Variants in LIG3 observed in about 807,000 individuals in gnomAD.
LIG3 encodes ligase II, DNA, ATP-dependent.
LIG3 carries 58 observed loss-of-function variants against 110.9 expected under a neutral mutation model. The ratio of observed to expected loss-of-function variants is 0.52; its 90% CI spans 0.42 to 0.65. The LOEUF (loss-of-function observed/expected upper bound fraction) is 0.65. LIG3 is among the 30% of genes least tolerant of loss of function. LIG3 has a pLI of 0.00. For synonymous variants in LIG3, 422 were observed against 472.8 expected, an observed-to-expected ratio of 0.89 and a Z score of 1.39; for missense variants, 1,094 against 1,273.8, an observed-to-expected ratio of 0.86 and a Z score of 2.15.
intron 3 of LIG3, among the ~76,000 whole-genome samples, chr17:34,987,266 C>T (rs527582503): frequency 6.6e-6 from 1 of 152,320 alleles, no homozygotes; most frequent in South Asian, 2.1e-4. Context: ...AAACAGACAG[C>T]ATTGGACTAG....
At chr17:35,002,165 G>A (rs2090850488) in intron 18 of LIG3, 61 bp downstream of exon 18, 2 of 1,401,844 alleles carry the variant, frequency 1.4e-6, no homozygotes, top group Non-Finnish European at 9.6e-7. Flanking sequence ...GAGATCCAAG[G>A]GCAGGGACCC....
At chr17:34,998,186 C>T (rs1293893574) in intron 12 of LIG3, 33 bp from the exon 13 acceptor site, 1 of 1,571,772 alleles carries the variant, frequency 6.4e-7, no homozygotes, top group South Asian at 1.1e-5. Context: ...TCTCCACTCT[C>T]ACACCAACTT....
Position 35,004,061 on chromosome 17 carries a change from C to G in LIG3, c.2797-212C>G. ...CAGATGTCGAGGCCTGTCCACTCTC[C>G]TTTTCCCCTAGGCAGGGATGGAGGG... On this transcript the variant is annotated intron_variant, in intron 19 of 19. Coordinates refer to ENST00000378526, the MANE Select transcript of LIG3 (RefSeq NM_013975.4). 5.3e-6 allele frequency: 3 copies of G among 567,356 alleles called. No homozygotes were observed. The East Asian group carries it at 8.8e-5, about 17-fold the overall frequency. 35.1% of individuals were successfully genotyped at this position (567,356 alleles called of 1,614,324 possible).
At chr17:34,991,905 C>G in intron 6 of LIG3, 53 bp from the exon 7 acceptor site, 2 of 1,613,938 alleles carry the variant, frequency 1.2e-6, no homozygotes, top group Non-Finnish European at 1.7e-6. Context: ...GGAAGGTTCC[C>G]TTGGGGTTCC....
intron 3 of LIG3, among the ~76,000 whole-genome samples, chr17:34,987,328 C>T (rs2090667187): frequency 6.6e-6 from 1 of 152,122 alleles, no homozygotes; most frequent in Admixed American, 6.5e-5. Flanking sequence ...CTAGACAGTA[C>T]TTTTATTTAG....
chr17:34,991,707 C>T lies in LIG3; in HGVS notation c.1078C>T (p.Gln360Ter). Residue 360 changes from glutamine to a stop codon, truncating the protein, a stop_gained, in exon 6 of 20, where the codon CAG becomes TAG. Transcript: ENST00000378526. LOFTEE classifies it high-confidence loss of function. ...VSETIRVFFE[Q>*]SKSFPPAAKS... is the part of the protein sequence containing the mutation. ...AGAGACAATCAGAGTCTTCTTTGAGCAGAGCAAGTCTTTCCCCCCAGCTGC... is the reference window on the plus strand; with the variant it reads ...AGAGACAATCAGAGTCTTCTTTGAGTAGAGCAAGTCTTTCCCCCCAGCTGC... 1 of 1,613,908 alleles carries T rather than the reference C, an allele frequency of 6.2e-7. No individual in the cohort carries two copies. Among genetic ancestry groups the T allele is most frequent in the Non-Finnish European group, 8.5e-7 (1 of 1,179,914 alleles).
chr17:34,980,757 G>T (rs2090576639), intron 1 of LIG3, 135 bp downstream of exon 1: 1 of 346,098 alleles, frequency 2.9e-6, no homozygotes, highest in African/African-American at 2.2e-5. Flanking sequence ...GAGCCCCGGG[G>T]CACACCCTCC....
downstream of LIG3, chr17:35,010,041 T>C (rs1033930967): frequency 6.5e-6 from 1 of 152,674 alleles, no homozygotes; most frequent in African/African-American, 2.4e-5. Context: ...TCCAGGACTT[T>C]GTATAACATT....
Position 34,999,794 on chromosome 17 carries a change from A to G in LIG3, c.2269A>G (p.Ile757Val). Residue 757 changes from isoleucine (I) to valine (V), a missense_variant, in exon 16 of 20, where the codon ATA becomes GTA. Ile to Val is a conservative substitution (Grantham distance 29, BLOSUM62 3). Transcript: ENST00000378526. ...MVKISKDPSK[I>V]PSWLKVNKIY... ...TTTTCTCCTCTAGGACCCCAGCAAA[A>G]TACCCAGCTGGTTGAAGGTCAACAA... 1 of 1,614,072 alleles carries G rather than the reference A, an allele frequency of 6.2e-7. No individual in the cohort carries two copies. Among genetic ancestry groups the G allele is most frequent in the African/African-American group, 1.3e-5 (1 of 75,024 alleles).
At position 35,006,193 on chromosome 17, in the gene LIG3, T is replaced by C. The variant is rs1439234009; in HGVS notation, c.*1687T>C. On this transcript the variant is annotated 3_prime_UTR_variant, in exon 20 of 20. Transcript: ENST00000378526. The stretch of plus-strand genomic sequence containing the variant: ...GACAAGTGCTATTCAATAGAACTTT[T>C]TGCAGCAGTGGAAATATCCATAAAT... The C allele has an allele frequency of 1.3e-5, 2 of 154,098 alleles. No individual in the cohort carries two copies. The highest frequency in any genetic ancestry group is 6.4e-5 in the Admixed American group (1 of 15,586). 9.5% of individuals were successfully genotyped at this position (154,098 alleles called of 1,614,324 possible). A position where few individuals can be genotyped will look rare whatever the true frequency, so the allele number is the denominator to read the frequency against.
At chr17:34,999,559 G>A (rs537860278) in intron 15 of LIG3, 110 bp downstream of exon 15, 3 of 1,401,518 alleles carry the variant, frequency 2.1e-6, no homozygotes, top group East Asian at 2.4e-5. Context: ...AAGAAGGGTT[G>A]CAGCTTGCTC....
At position 34,991,970 on chromosome 17, in the gene LIG3, T is replaced by C; in HGVS notation, c.1221T>C (p.Asn407=). The change falls in exon 7 of 20, where the codon AAT becomes AAC. Residue 407 remains asparagine (N), a synonymous_variant. Transcript: ENST00000378526. ...TTCATCCCCCTAGGTGTACAGCCAA[T>C]GACCTTAAATGCATCATCAGGTTGA... ...LQDIASRCTA[N]DLKCIIRLIK... The C allele has an allele frequency of 6.2e-7, 1 of 1,614,106 alleles. No individual in the cohort carries two copies. Among genetic ancestry groups the C allele is most frequent in the Non-Finnish European group, 8.5e-7 (1 of 1,179,922 alleles).
Position 35,007,266 on chromosome 17 carries a change from G to A in LIG3, c.*2760G>A, listed in dbSNP as rs1226958846. 1 of 152,304 alleles carries A rather than the reference G, an allele frequency of 6.6e-6. No homozygotes were observed. Among genetic ancestry groups the A allele is most frequent in the Non-Finnish European group, 1.5e-5 (1 of 68,082 alleles). 9.4% of individuals were successfully genotyped at this position (152,304 alleles called of 1,614,324 possible). A position where few individuals can be genotyped will look rare whatever the true frequency, so the allele number is the denominator to read the frequency against. ...ATCATCTTGTCCCTTCTCTGCCTTA[G>A]TGTGTGTTATTGCCATTTCAATGTC... On this transcript the variant is annotated 3_prime_UTR_variant, in exon 20 of 20. Transcript: ENST00000378526.
At position 35,004,472 on chromosome 17, in the gene LIG3, G is replaced by A. The variant is rs2142294288; in HGVS notation, c.2996G>A (p.Cys999Tyr). ...QQVSPEWIWA[C>Y]IRKRRLVAPC ...GTCTCCCCAGAGTGGATTTGGGCAT[G>A]TATCCGGAAACGGAGACTGGTAGCT... The change falls in exon 20 of 20, where the codon TGT (cysteine) becomes TAT (tyrosine). Residue 999 changes from cysteine (C) to tyrosine (Y), a missense_variant. Transcript: ENST00000378526. 6.2e-7 allele frequency: 1 copy of A among 1,614,128 alleles called. No homozygotes were observed. The highest frequency in any genetic ancestry group is 8.5e-7 in the Non-Finnish European group (1 of 1,179,976).
chr17:34,995,017 C>T (rs1415203589), intron 9 of LIG3, among the ~76,000 whole-genome samples: 1 of 152,192 alleles, frequency 6.6e-6, no homozygotes, highest in Non-Finnish European at 1.5e-5. Flanking sequence ...CCCTTCTCCA[C>T]TCCCAAGGAT....
intron 7 of LIG3, 42 bp downstream of exon 7, chr17:34,992,077 A>G (rs1490491638): frequency 1.3e-6 from 2 of 1,575,178 alleles, no homozygotes; most frequent in Admixed American, 3.3e-5. Context: ...GTCATTTGTT[A>G]GCTTTGTTTG....
rs2090805947 is a variant in LIG3, at chr17:34,998,624, G to A, written c.2010G>A (p.Lys670=). 2 of 1,614,226 alleles carry A rather than the reference G, an allele frequency of 1.2e-6. No homozygotes were observed. Among genetic ancestry groups the A allele is most frequent in the Non-Finnish European group, 1.7e-6 (2 of 1,180,024 alleles). The change falls in exon 14 of 20, where the codon AAG becomes AAA. Residue 670 remains lysine (K), a synonymous_variant. Transcript: ENST00000378526. ...KDVKGTYEPG[K]RHWLKVKKDY... is the part of the protein sequence containing the mutation. ...TTCAGGGTACATATGAGCCTGGGAAGCGGCACTGGCTGAAAGTGAAGAAAG... is the reference window on the plus strand; with the variant it reads ...TTCAGGGTACATATGAGCCTGGGAAACGGCACTGGCTGAAAGTGAAGAAAG...
At chr17:35,003,899 T>C (rs2090871471) in intron 19 of LIG3, 1 of 215,078 alleles carries the variant, frequency 4.6e-6, no homozygotes, top group Non-Finnish European at 9.4e-6. Flanking sequence ...CCCCTCAGTC[T>C]AGCAGGTTGT....
chr17:34,994,450 C>T lies in LIG3; in HGVS notation c.1611+19C>T. ...TCACAAGGTATGAGTGCCTTCCTTT[C>T]TGCCAGGACCGTCTTTCCCCTTTCT... On this transcript the variant is annotated intron_variant, in intron 9 of 19. Transcript: ENST00000378526. 6.2e-7 allele frequency: 1 copy of T among 1,608,640 alleles called. No homozygotes were observed. The highest frequency in any genetic ancestry group is 1.3e-5 in the African/African-American group (1 of 74,892).
Sources: gnomAD v4.1 joint callset for allele counts (sites outside exome capture counted in the v4.1 genomes callset) on GRCh38, gnomAD v4.1.1 for gene constraint, MANE v1.5 for transcripts, NCBI Gene and HGNC (gene_info 2026-07-23, HGNC 2026-07-21) for gene names.